The following RYR1 variants were observed in gnomAD, a reference collection of about 807,000 sequenced individuals.
The protein encoded by RYR1 is ryanodine receptor 1.
In RYR1, 342 loss-of-function variants were observed where a neutral mutation model predicts 583.5. The observed-to-expected ratio is 0.59, with a 90% CI of 0.54 to 0.64. The LOEUF (loss-of-function observed/expected upper bound fraction) is 0.64, where lower values mean the gene tolerates loss of function less well. Ranked by LOEUF, RYR1 falls within the 30% of genes least tolerant of loss-of-function variation. The pLI, the probability that RYR1 is intolerant of heterozygous loss-of-function variation, is 0.00. For synonymous variants in RYR1, 2,791 were observed against 2,822.5 expected, an observed-to-expected ratio of 0.99 and a Z score of 0.35; for missense variants, 6,032 against 6,917.2, an observed-to-expected ratio of 0.87 and a Z score of 4.54.
rs1970371622 is a variant in RYR1, at chr19:38,504,918, C to G, written c.8231+7C>G. On this transcript the variant is annotated splice_region_variant and intron_variant, in intron 51 of 105. Coordinates refer to ENST00000359596, the MANE Select transcript of RYR1 (RefSeq NM_000540.3). Reference sequence around the variant, plus strand: ...GGCCTGTGGAGACCCTCAAGTGAGGCCTGGGGGCTGGGAGACAGAGAGGAA... The same window carrying G: ...GGCCTGTGGAGACCCTCAAGTGAGGGCTGGGGGCTGGGAGACAGAGAGGAA... 2 of 1,613,972 alleles carry G rather than the reference C, an allele frequency of 1.2e-6. No individual in the cohort carries two copies. Among genetic ancestry groups the G allele is most frequent in the South Asian group, 2.2e-5 (2 of 91,086 alleles).
In RYR1 at chr19:38,505,338, C is replaced by T. The variant is rs1024020194; in HGVS notation, c.8340C>T (p.Asn2780=). ...AGAACAACTGGTCCTATGGAGAGAA[C>T]ATAGACGAGGAGCTGAAGACCCACC... ...KIQNNWSYGE[N]IDEELKTHPM... Residue 2780 remains asparagine (N), a synonymous_variant, in exon 53 of 106, where the codon AAC becomes AAT. Coordinates refer to ENST00000359596, the MANE Select transcript of RYR1 (RefSeq NM_000540.3). The T allele has an allele frequency of 2.0e-5, 33 of 1,612,278 alleles. No homozygotes were observed. Among genetic ancestry groups the T allele is most frequent in the African/African-American group, 4.0e-5 (3 of 74,868 alleles).
chr19:38,494,137 C>T (rs1344397337), intron 38 of RYR1, among the ~76,000 whole-genome samples: 1 of 152,106 alleles, frequency 6.6e-6, no homozygotes, highest in Non-Finnish European at 1.5e-5. Context: ...CCACAGCACC[C>T]TAGCCTGGGC....
chr19:38,563,466 T>C (rs1277059751), intron 90 of RYR1, among the ~76,000 whole-genome samples: 4 of 152,226 alleles, frequency 2.6e-5, no homozygotes, highest in Non-Finnish European at 2.9e-5. Flanking sequence ...GGTTTTGCCA[T>C]GTTGGCAAGG....
At chr19:38,586,963 T>G (rs1974519295) in intron 105 of RYR1, among the ~76,000 whole-genome samples, 1 of 148,062 alleles carries the variant, frequency 6.8e-6, no homozygotes. Flanking sequence ...AGAGCGATAC[T>G]CCATCTCAAA....
chr19:38,567,997 G>A (rs1380789076), intron 93 of RYR1, 80 bp downstream of exon 93: 6 of 1,505,722 alleles, frequency 4.0e-6, no homozygotes, highest in Non-Finnish European at 4.6e-6. Context: ...TGCTCACCTT[G>A]TTCTTGAGTT....
intron 88 of RYR1, among the ~76,000 whole-genome samples, chr19:38,547,607 TTTC>T (rs1437234046): frequency 6.6e-6 from 1 of 152,114 alleles, no homozygotes; most frequent in African/African-American, 2.4e-5. Flanking sequence ...AGTGCATGAC[TTTC>T]TCTATGTCTC....
In RYR1 at chr19:38,500,314, G is replaced by A. The variant is rs1970049232; in HGVS notation, c.7324-292G>A. Among the ~76,000 whole-genome samples, 1 of 151,126 alleles carries A rather than the reference G, an allele frequency of 6.6e-6. No homozygotes were observed. Among genetic ancestry groups the A allele is most frequent in the South Asian group, 2.1e-4 (1 of 4,740 alleles). On this transcript the variant is annotated intron_variant, in intron 45 of 105. Coordinates refer to ENST00000359596, the MANE Select transcript of RYR1 (RefSeq NM_000540.3). The surrounding 1 kb of genome is among the most constrained non-coding windows in gnomAD (Gnocchi z 5.9). ...CACGGAGAGGACTCAGGATGGGGAT[G>A]GGGAACACAGGGAGAGGGGTCAGGA...
At chr19:38,514,497 T>G (rs964412286) in intron 63 of RYR1, among the ~76,000 whole-genome samples, 15 of 151,692 alleles carry the variant, frequency 9.9e-5, no homozygotes, top group East Asian at 9.8e-4. Context: ...CCCAGGCTGG[T>G]CTCGAACTCC....
rs12984412 is a variant in RYR1 at position 38,525,934 on chromosome 19, C to G, written c.10626+432C>G. Among the ~76,000 whole-genome samples the G allele has an allele frequency of 6.6e-5, 10 of 152,000 alleles. No homozygotes were observed. In the South Asian group the frequency reaches 1.5e-3, roughly 22 times the overall value. ...CCTACTGAGACCCTCATGACCCCTC[C>G]TTCCCTCCCTGCCAAGACTGAACCT... On this transcript the variant is annotated intron_variant, in intron 71 of 105. Transcript: ENST00000359596.
At chr19:38,536,461 A>C (rs534437565) in intron 82 of RYR1, among the ~76,000 whole-genome samples, 1 of 150,188 alleles carries the variant, frequency 6.7e-6, no homozygotes, top group South Asian at 2.1e-4. Flanking sequence ...TTCTACCCGG[A>C]TCCTCGCTCC....
intron 28 of RYR1, among the ~76,000 whole-genome samples, chr19:38,474,993 A>G (rs1968641384): frequency 6.6e-6 from 1 of 152,080 alleles, no homozygotes; most frequent in Admixed American, 6.6e-5. Context: ...ACAATGAAGA[A>G]TTGTCCTTTT....
chr19:38,523,615 G>T, intron 69 of RYR1: 1 of 598,926 alleles, frequency 1.7e-6, no homozygotes, highest in South Asian at 2.0e-5. Flanking sequence ...TCTTCTCCAA[G>T]CCTCTCTCTC....
chr19:38,433,945 A>G, intron 1 of RYR1, 71 bp downstream of exon 1: 1 of 1,360,692 alleles, frequency 7.3e-7, no homozygotes, highest in Non-Finnish European at 1.1e-6. Flanking sequence ...CTGTCTCTGA[A>G]TGTCCCTGTC....
At chr19:38,469,932 G>A (rs185210629) in intron 27 of RYR1, among the ~76,000 whole-genome samples, 324 of 152,124 alleles carry the variant, frequency 2.1e-3, no homozygotes, top group Non-Finnish European at 2.4e-3. Flanking sequence ...TTAGCAAGGT[G>A]TGTAGTATGC....
intron 90 of RYR1, 133 bp from the exon 91 acceptor site, chr19:38,564,826 C>G: frequency 6.8e-7 from 1 of 1,477,174 alleles, no homozygotes. Context: ...GACCCTGTCT[C>G]AAAAACAAAA....
intron 58 of RYR1, among the ~76,000 whole-genome samples, chr19:38,508,388 T>G (rs559680084): frequency 6.6e-6 from 1 of 152,070 alleles, no homozygotes; most frequent in South Asian, 2.1e-4. Flanking sequence ...ATTTTTTGTA[T>G]TTTTTAGTAG....
Position 38,578,000 on chromosome 19 carries a change from C to G in RYR1, c.14255C>G (p.Thr4752Arg). The change falls in exon 98 of 106, where the codon ACA becomes AGA. Residue 4752 changes from threonine to arginine, a missense_variant. Around this residue, in one of 11 missense-constraint regions of RYR1, gnomAD observed 188 missense variants for 215.6 expected, o/e 0.87. Coordinates refer to ENST00000359596, the MANE Select transcript of RYR1 (RefSeq NM_000540.3). ...ATGGACCTGGCCACACTAGAGATCA[C>G]AGCCCACAATGAGCGCAAGCCCAAC... is the stretch of plus-strand genomic sequence containing the variant. ...LGMDLATLEI[T>R]AHNERKPNPP... 1 of 1,614,126 alleles carries G rather than the reference C, an allele frequency of 6.2e-7. No homozygotes were observed. Among genetic ancestry groups the G allele is most frequent in the East Asian group, 2.2e-5 (1 of 44,870 alleles).
rs560257699 is a variant in RYR1, at chr19:38,564,905, C to T, written c.12625-54C>T. ...TGTAGCTGCCACTGCGCTGTCGCTGCTGTCCGAGCCCCCGCTGACGGCGCC... is the reference window on the plus strand; with the variant it reads ...TGTAGCTGCCACTGCGCTGTCGCTGTTGTCCGAGCCCCCGCTGACGGCGCC... On this transcript the variant is annotated intron_variant, in intron 90 of 105. Coordinates refer to ENST00000359596, the MANE Select transcript of RYR1 (RefSeq NM_000540.3). 15 of 1,541,292 alleles carry T rather than the reference C, an allele frequency of 9.7e-6. No homozygotes were observed. The African/African-American group carries it at 1.6e-4, about 17-fold the overall frequency.
chr19:38,450,675 A>G (rs1967025910), intron 11 of RYR1, among the ~76,000 whole-genome samples: 1 of 152,132 alleles, frequency 6.6e-6, no homozygotes, highest in South Asian at 2.1e-4. Flanking sequence ...CATAGGGCAC[A>G]AATTTCTGGC....
Sources: allele counts gnomAD v4.1 joint callset (sites outside exome capture counted in the v4.1 genomes callset), GRCh38; gene constraint gnomAD v4.1.1; regional missense constraint gnomAD v4.1.1; non-coding constraint Gnocchi (gnomAD v3.1); transcripts MANE v1.5; gene names NCBI Gene and HGNC (gene_info 2026-07-23, HGNC 2026-07-21).